The following LRRTM3 variants were observed in gnomAD, a reference collection of about 807,000 sequenced individuals.
LRRTM3 encodes leucine rich repeat transmembrane neuronal 3.
LRRTM3 carries 24 observed loss-of-function variants against 44.7 expected under a neutral mutation model. The ratio of observed to expected loss-of-function variants is 0.54; its 90% CI spans 0.39 to 0.76. The LOEUF (loss-of-function observed/expected upper bound fraction) is 0.76, where lower values mean the gene tolerates loss of function less well. LRRTM3 is among the 30% of genes least tolerant of loss of function. LRRTM3 has a pLI of 0.00. For synonymous variants in LRRTM3, 277 were observed against 278.7 expected (o/e 0.99, Z 0.06); for missense variants, 587 against 702.2 (o/e 0.84, Z 1.85).
chr10:67,074,260 G>A (rs1335842165), intron 2 of LRRTM3, among the ~76,000 whole-genome samples: 7 of 149,784 alleles, frequency 4.7e-5, no homozygotes, highest in Non-Finnish European at 8.9e-5. Flanking sequence ...TTGATCTCTC[G>A]ACCTCATGAT....
chr10:67,055,717 G>A (rs1296220896), intron 2 of LRRTM3, among the ~76,000 whole-genome samples: 1 of 152,074 alleles, frequency 6.6e-6, no homozygotes, highest in Non-Finnish European at 1.5e-5. Flanking sequence ...GTAAGGCTTG[G>A]GAATTTCAGA....
At chr10:67,077,889 G>C (rs1381568089) in intron 2 of LRRTM3, among the ~76,000 whole-genome samples, 1 of 152,114 alleles carries the variant, frequency 6.6e-6, no homozygotes, top group East Asian at 1.9e-4. Context: ...TTTTTATCTA[G>C]ATTTCTAGAT....
chr10:66,995,693 C>G (rs952937355), intron 2 of LRRTM3, among the ~76,000 whole-genome samples: 6 of 152,160 alleles, frequency 3.9e-5, no homozygotes, highest in African/African-American at 1.4e-4. Context: ...CAGACTCAGT[C>G]TCACTAATTT....
chr10:66,978,884 T>C (rs1850236918), intron 2 of LRRTM3, among the ~76,000 whole-genome samples: 1 of 151,358 alleles, frequency 6.6e-6, no homozygotes, highest in Admixed American at 6.6e-5. Context: ...AAGCCTATTA[T>C]TTGAAGGAAG....
chr10:67,035,663 C>T (rs1013089474), intron 2 of LRRTM3, among the ~76,000 whole-genome samples: 2 of 152,106 alleles, frequency 1.3e-5, no homozygotes, highest in Non-Finnish European at 2.9e-5. Flanking sequence ...GTTCACCTCC[C>T]TCAGTACTCA....
chr10:66,955,945 A>T (rs1848767369), intron 2 of LRRTM3, among the ~76,000 whole-genome samples: 1 of 152,302 alleles, frequency 6.6e-6, no homozygotes, highest in African/African-American at 2.4e-5. Context: ...GGCAAAATTT[A>T]GTCATTCTGG....
chr10:67,046,669 A>C (rs1854766117), intron 2 of LRRTM3, among the ~76,000 whole-genome samples: 1 of 152,220 alleles, frequency 6.6e-6, no homozygotes, highest in African/African-American at 2.4e-5. Context: ...GCATGGTACT[A>C]GGGATACTAT....
At chr10:67,025,582 G>A (rs561089608) in intron 2 of LRRTM3, among the ~76,000 whole-genome samples, 5 of 152,078 alleles carry the variant, frequency 3.3e-5, no homozygotes, top group East Asian at 3.9e-4. Context: ...AGAATAGCTC[G>A]GTTTCTGACT....
chr10:66,938,290 C>T (rs1320766243), intron 2 of LRRTM3, among the ~76,000 whole-genome samples: 2 of 152,064 alleles, frequency 1.3e-5, no homozygotes, highest in Admixed American at 6.6e-5. Context: ...AACAAACCCT[C>T]CCATACAGTC....
At chr10:67,075,857 A>C (rs533981482) in intron 2 of LRRTM3, among the ~76,000 whole-genome samples, 5 of 152,354 alleles carry the variant, frequency 3.3e-5, no homozygotes, top group African/African-American at 1.2e-4. Flanking sequence ...AGCCAGCAAA[A>C]TCTGAGCTTT....
intron 2 of LRRTM3, among the ~76,000 whole-genome samples, chr10:67,002,828 G>A (rs1407689943): frequency 6.6e-6 from 1 of 151,964 alleles, no homozygotes; most frequent in Non-Finnish European, 1.5e-5. Context: ...ATTTGATTAT[G>A]AATGTCTTCA....
intron 2 of LRRTM3, among the ~76,000 whole-genome samples, chr10:67,097,141 A>T (rs1029977660): frequency 1.3e-5 from 2 of 151,942 alleles, no homozygotes; most frequent in Admixed American, 1.3e-4. Context: ...CTAGTTAAAG[A>T]AGTGGGTGGT....
chr10:67,037,776 AC>A (rs1854154698), intron 2 of LRRTM3, among the ~76,000 whole-genome samples: 2 of 152,200 alleles, frequency 1.3e-5, no homozygotes, highest in Non-Finnish European at 2.9e-5. Flanking sequence ...TTTAACTTGA[AC>A]AAATACATGG....
chr10:67,029,110 C>A (rs912883386), intron 2 of LRRTM3, among the ~76,000 whole-genome samples: 2 of 152,178 alleles, frequency 1.3e-5, no homozygotes, highest in Non-Finnish European at 2.9e-5. Flanking sequence ...GCTGATCTTT[C>A]TTTATGTCTC....
intron 2 of LRRTM3, among the ~76,000 whole-genome samples, chr10:66,987,543 T>G (rs1850801421): frequency 6.6e-6 from 1 of 152,176 alleles, no homozygotes; most frequent in Non-Finnish European, 1.5e-5. Context: ...AAAGAGAGGC[T>G]CATCCAGTTG....
intron 2 of LRRTM3, among the ~76,000 whole-genome samples, chr10:67,065,001 C>T (rs920431765): frequency 2.6e-5 from 4 of 152,112 alleles, no homozygotes; most frequent in African/African-American, 9.7e-5. Context: ...ATAATTTCCA[C>T]AGCTTCCATA....
At position 67,057,621 on chromosome 10, in the gene LRRTM3, C is replaced by G. The variant is rs576270120; in HGVS notation, c.1537-39966C>G. 2.0e-5 allele frequency among the ~76,000 whole-genome samples: 3 copies of G among 152,208 alleles called. No homozygotes were observed. In the East Asian group the frequency reaches 5.8e-4, roughly 29 times the overall value. On this transcript the variant is annotated intron_variant, in intron 2 of 2. Transcript: ENST00000361320. ...TACTTCTTTTTTAAGACTGAGAATA[C>G]TGACCCAGCAACACGAGGTTGGTTT...
chr10:67,036,752 T>C (rs1040282320), intron 2 of LRRTM3, among the ~76,000 whole-genome samples: 1 of 152,190 alleles, frequency 6.6e-6, no homozygotes, highest in Admixed American at 6.5e-5. Flanking sequence ...ATTATCTTTT[T>C]TCAATTCTAG....
intron 2 of LRRTM3, among the ~76,000 whole-genome samples, chr10:67,024,746 C>T (rs1460817316): frequency 6.6e-6 from 1 of 152,154 alleles, no homozygotes; most frequent in East Asian, 1.9e-4. Context: ...TCAGAGCCTA[C>T]TAAACATTCT....
Sources: gnomAD v4.1 joint callset for allele counts (sites outside exome capture counted in the v4.1 genomes callset) on GRCh38, gnomAD v4.1.1 for gene constraint, MANE v1.5 for transcripts, NCBI Gene and HGNC (gene_info 2026-07-23, HGNC 2026-07-21) for gene names.